Variants in TMEM132D observed in about 807,000 individuals in gnomAD.
TMEM132D encodes the protein transmembrane protein 132D, also known as mature OL transmembrane protein.
In TMEM132D, 21 loss-of-function variants were observed where a neutral mutation model predicts 62.3. The observed-to-expected ratio is 0.34, with a 90% CI of 0.24 to 0.49. The LOEUF is 0.49. TMEM132D is among the 20% of genes least tolerant of loss of function. TMEM132D has a pLI of 0.99. For missense variants in TMEM132D, 1,346 were observed against 1,402.8 expected (o/e 0.96, Z 0.65); for synonymous variants, 621 against 575.6 (o/e 1.08, Z -1.13).
At chr12:129,123,150 T>A (rs190289150) in intron 5 of TMEM132D, among the ~76,000 whole-genome samples, 32 of 152,360 alleles carry the variant, frequency 2.1e-4, no homozygotes, top group Admixed American at 6.5e-4. Flanking sequence ...TGAGCTATCT[T>A]TCAGTTATTT....
intron 3 of TMEM132D, among the ~76,000 whole-genome samples, chr12:129,474,008 C>T (rs575162882): frequency 5.9e-5 from 9 of 152,340 alleles, no homozygotes; most frequent in Admixed American, 2.0e-4. Context: ...CTTTCAACGG[C>T]ATGGCTTGGG....
chr12:129,078,695 C>A lies in TMEM132D; in HGVS notation c.1954G>T (p.Ala652Ser), dbSNP rs1874356282. The A allele has an allele frequency of 6.2e-7, 1 of 1,614,064 alleles. No individual in the cohort carries two copies. Among genetic ancestry groups the A allele is most frequent in the Non-Finnish European group, 8.5e-7 (1 of 1,180,006 alleles). ...TCCAGCACAGTGATGGTCTTTTCAG[C>A]GAGGATGGTGTCTGACAGAGGAGAC... ...ILSPLSDTIL[A>S]EKTITVLDEK... Residue 652 changes from alanine (A) to serine (S), a missense_variant, in exon 8 of 9, where the codon GCT (alanine) becomes TCT (serine). Transcript: ENST00000422113.
chr12:129,383,694 C>G (rs1871020849), intron 3 of TMEM132D, among the ~76,000 whole-genome samples: 1 of 152,218 alleles, frequency 6.6e-6, no homozygotes, highest in African/African-American at 2.4e-5. Flanking sequence ...CTGCCTTGGC[C>G]TCTTAAAGTG....
At chr12:129,230,307 A>AAGG (rs1879602311) in intron 4 of TMEM132D, among the ~76,000 whole-genome samples, 1 of 140,540 alleles carries the variant, frequency 7.1e-6, no homozygotes, top group Non-Finnish European at 1.6e-5. Context: ...TCTGTGTTGG[A>AAGG]GGGGGGGGGC....
At chr12:129,304,399 T>A (rs1029074463) in intron 4 of TMEM132D, among the ~76,000 whole-genome samples, 1 of 151,780 alleles carries the variant, frequency 6.6e-6, no homozygotes, top group African/African-American at 2.4e-5. Flanking sequence ...TACAATACCA[T>A]GCAAAGGCCA....
chr12:129,690,046 G>T (rs1271677544), intron 2 of TMEM132D, among the ~76,000 whole-genome samples: 1 of 152,082 alleles, frequency 6.6e-6, no homozygotes, highest in African/African-American at 2.4e-5. Context: ...AGCAATAATA[G>T]TAGTGATGAA....
intron 1 of TMEM132D, among the ~76,000 whole-genome samples, chr12:129,877,674 T>A (rs1874473003): frequency 6.6e-6 from 1 of 151,402 alleles, no homozygotes; most frequent in Non-Finnish European, 1.5e-5. Context: ...CTGAAGCCCA[T>A]CTTGCAGCCT....
chr12:129,881,363 T>A (rs1874590312), intron 1 of TMEM132D, among the ~76,000 whole-genome samples: 1 of 151,962 alleles, frequency 6.6e-6, no homozygotes, highest in Admixed American at 6.6e-5. Flanking sequence ...AATTGACATT[T>A]ACAGAGCACT....
intron 4 of TMEM132D, among the ~76,000 whole-genome samples, chr12:129,242,414 TGATA>T (rs1489554971): frequency 6.6e-6 from 1 of 152,232 alleles, no homozygotes; most frequent in East Asian, 1.9e-4. Flanking sequence ...CTGATTTTCT[TGATA>T]ATTATATATT....
chr12:129,211,933 AC>A (rs1424841350), intron 4 of TMEM132D: 3 of 152,222 alleles, frequency 2.0e-5, no homozygotes, highest in Non-Finnish European at 4.4e-5. Context: ...TTACTTTTGC[AC>A]CAACCTAACT....
At chr12:129,518,085 T>C (rs930859404) in intron 3 of TMEM132D, among the ~76,000 whole-genome samples, 2 of 152,138 alleles carry the variant, frequency 1.3e-5, no homozygotes, top group African/African-American at 2.4e-5. Context: ...CAAAGAAAGT[T>C]TTTTCCCCCC....
intron 2 of TMEM132D, among the ~76,000 whole-genome samples, chr12:129,644,984 T>TAAAAA (rs749612311): frequency 2.1e-3 from 133 of 63,404 alleles, no homozygotes; most frequent in African/African-American, 7.0e-3. Flanking sequence ...ATAGTCCATC[T>TAAAAA]AAAAAAAAAA....
intron 1 of TMEM132D, among the ~76,000 whole-genome samples, chr12:129,770,498 C>T (rs542111824): frequency 6.6e-6 from 1 of 152,254 alleles, no homozygotes; most frequent in Non-Finnish European, 1.5e-5. Context: ...TTATGCACCA[C>T]ATTGGAGATA....
At position 129,779,772 on chromosome 12, in the gene TMEM132D, G is replaced by A. The variant is rs561498848; in HGVS notation, c.80-79074C>T. 1.1e-4 allele frequency among the ~76,000 whole-genome samples: 17 copies of A among 152,144 alleles called. No individual in the cohort carries two copies. The highest frequency in any genetic ancestry group is 2.1e-4 in the South Asian group (1 of 4,806). ...TTCTGGGAACAGGATTTAAGGGGTC[G>A]CCTCCCCACTCAAACTCATGACGGC... On this transcript the variant is annotated intron_variant, in intron 1 of 8. Coordinates refer to ENST00000422113, the MANE Select transcript of TMEM132D (RefSeq NM_133448.3). The surrounding 1 kb of genome is among the most constrained non-coding windows in gnomAD (Gnocchi z 4.1).
At chr12:129,885,840 T>C (rs917533836) in intron 1 of TMEM132D, among the ~76,000 whole-genome samples, 40 of 152,324 alleles carry the variant, frequency 2.6e-4, no homozygotes, top group Non-Finnish European at 3.4e-4. Flanking sequence ...CATCCACTTA[T>C]AAAACCCATG....
rs1000115525 is a variant in TMEM132D, at chr12:129,224,489, C to A, written c.1300-14826G>T. Among the ~76,000 whole-genome samples, 16 of 152,314 alleles carry A rather than the reference C, an allele frequency of 1.1e-4. No individual in the cohort carries two copies. In the East Asian group the frequency reaches 3.1e-3, roughly 29 times the overall value. On this transcript the variant is annotated intron_variant, in intron 4 of 8. Transcript: ENST00000422113. ...TCATGTCACCAGCAAGTACGGACTC[C>A]ACTGTATACAGTGAGCTTTGTGCAA...
At chr12:129,528,385 A>G (rs1424919508) in intron 3 of TMEM132D, among the ~76,000 whole-genome samples, 1 of 150,286 alleles carries the variant, frequency 6.7e-6, no homozygotes, top group Non-Finnish European at 1.5e-5. Flanking sequence ...AAAAATCTCT[A>G]TTTTAGTTGC....
At chr12:129,078,849 A>G (rs1489847999) in intron 7 of TMEM132D, 124 bp from the exon 8 acceptor site, 1 of 928,390 alleles carries the variant, frequency 1.1e-6, no homozygotes, top group African/African-American at 1.6e-5. Flanking sequence ...AATGAATGAG[A>G]ACAGGCCTTT....
chr12:129,740,400 C>T (rs1403453133), intron 1 of TMEM132D, among the ~76,000 whole-genome samples: 1 of 151,978 alleles, frequency 6.6e-6, no homozygotes, highest in Non-Finnish European at 1.5e-5. Flanking sequence ...GTTGCTGGGC[C>T]CTATAATGCA....
Sources: allele counts gnomAD v4.1 joint callset (sites outside exome capture counted in the v4.1 genomes callset), GRCh38; gene constraint gnomAD v4.1.1; non-coding constraint Gnocchi (gnomAD v3.1); transcripts MANE v1.5; gene names NCBI Gene and HGNC (gene_info 2026-07-23, HGNC 2026-07-21).